DIP2A: variants seen among roughly 807,000 people sequenced by gnomAD.
DIP2A encodes the protein disco-interacting protein 2 homolog A.
Under a neutral mutation model 177.4 loss-of-function variants are expected in DIP2A, and 85 were observed. The observed-to-expected ratio is 0.48, with a 90% CI of 0.40 to 0.57. The LOEUF (loss-of-function observed/expected upper bound fraction) is 0.57, where lower values mean the gene tolerates loss of function less well. Among genes scored for constraint, DIP2A ranks in the 20% least tolerant of loss-of-function variants. The probability of loss-of-function intolerance (pLI) is 0.00; values close to 1 mark genes in which losing one functional copy is unlikely to be tolerated. For synonymous variants in DIP2A, 886 were observed against 881.8 expected, an observed-to-expected ratio of 1.00 and a Z score of -0.08; for missense variants, 1,791 against 2,100.2, an observed-to-expected ratio of 0.85 and a Z score of 2.88.
At chr21:46,509,466 G>T in intron 7 of DIP2A, 90 bp downstream of exon 7, 1 of 1,459,486 alleles carries the variant, frequency 6.9e-7, no homozygotes, top group South Asian at 1.4e-5. Flanking sequence ...ATTATACATG[G>T]ATATTGCTAT....
In DIP2A at chr21:46,551,923, C is replaced by G; in HGVS notation, c.3030+19C>G. The G allele has an allele frequency of 1.3e-6, 2 of 1,583,086 alleles. No homozygotes were observed. The highest frequency in any genetic ancestry group is 2.3e-5 in the East Asian group (1 of 43,498). On this transcript the variant is annotated intron_variant, in intron 25 of 37. Coordinates refer to ENST00000417564, the MANE Select transcript of DIP2A (RefSeq NM_015151.4). ...CGCCAAGGTGAGGCAGTGTCACGCC[C>G]ACGGGGCTTGGAAACACCTGTGGGC...
In DIP2A at chr21:46,501,024, A is replaced by G. The variant is rs191566150; in HGVS notation, c.655+2191A>G. On this transcript the variant is annotated intron_variant, in intron 5 of 37. Coordinates refer to ENST00000417564, the MANE Select transcript of DIP2A (RefSeq NM_015151.4). The stretch of plus-strand genomic sequence containing the variant: ...TTTGCTTACAGGATTGCAATTTTCT[A>G]CAGATTGTAGCTACCCACATCCTAA... 1.5e-3 allele frequency among the ~76,000 whole-genome samples: 224 copies of G among 152,336 alleles called. 2 individuals are homozygous for G. Among genetic ancestry groups the G allele is most frequent in the South Asian group, 6.8e-3 (33 of 4,826 alleles).
chr21:46,489,228 C>T (rs1313719346), intron 2 of DIP2A, among the ~76,000 whole-genome samples: 1 of 152,236 alleles, frequency 6.6e-6, no homozygotes, highest in Non-Finnish European at 1.5e-5. Flanking sequence ...TAACTGACCA[C>T]CCCAAAATGT....
intron 18 of DIP2A, 36 bp from the exon 19 acceptor site, chr21:46,545,101 G>T (rs187605083): frequency 6.4e-7 from 1 of 1,557,840 alleles, no homozygotes; most frequent in Non-Finnish European, 8.7e-7. Context: ...ATTTAAACAC[G>T]TTCTTGATAA....
Position 46,554,583 on chromosome 21 carries a change from CTCA to C in DIP2A, c.3165_3167del (p.Ile1056del). 6.2e-7 allele frequency: 1 copy of C among 1,611,888 alleles called. No individual in the cohort carries two copies. The highest frequency in any genetic ancestry group is 8.5e-7 in the Non-Finnish European group (1 of 1,179,150). On this transcript the variant is annotated inframe_deletion, in exon 27 of 38. Coordinates refer to ENST00000417564, the MANE Select transcript of DIP2A (RefSeq NM_015151.4). ...AGTCCTTGTCTCCACAGGGGTGGAC[CTCA>C]TTGCCGCGTTCTATGGCTGCTTGTA... is the stretch of plus-strand genomic sequence containing the variant.
intron 21 of DIP2A, 133 bp from the exon 22 acceptor site, chr21:46,549,638 A>C (rs935867291): frequency 3.1e-5 from 45 of 1,467,782 alleles, no homozygotes; most frequent in Admixed American, 2.7e-4. Flanking sequence ...TTGAATGTGC[A>C]GCAGGTAGCC....
intron 2 of DIP2A, among the ~76,000 whole-genome samples, chr21:46,489,650 C>T (rs1050637397): frequency 1.3e-5 from 2 of 152,218 alleles, no homozygotes; most frequent in African/African-American, 4.8e-5. Context: ...TGGACTCTGC[C>T]TCTTCAGGGA....
At chr21:46,560,572 C>G (rs1432594777) in intron 32 of DIP2A, 150 bp from the exon 33 acceptor site, 1 of 997,868 alleles carries the variant, frequency 1.0e-6, no homozygotes, top group Admixed American at 2.6e-5. Context: ...GGACCTTGAA[C>G]CCCTAGGCGG....
chr21:46,545,018 A>G (rs950537155), intron 18 of DIP2A, 119 bp from the exon 19 acceptor site: 24 of 869,698 alleles, frequency 2.8e-5, no homozygotes, highest in Non-Finnish European at 3.8e-5. Flanking sequence ...TCCTTATAAG[A>G]AGGTGCTGTG....
chr21:46,526,480 C>T (rs901158275), intron 8 of DIP2A, among the ~76,000 whole-genome samples: 4 of 151,370 alleles, frequency 2.6e-5, no homozygotes, highest in African/African-American at 4.9e-5. Flanking sequence ...CTGCAACCTC[C>T]GCCTCCTGGA....
At chr21:46,546,516 G>T (rs951604897) in intron 20 of DIP2A, among the ~76,000 whole-genome samples, 2 of 152,234 alleles carry the variant, frequency 1.3e-5, no homozygotes, top group East Asian at 3.9e-4. Flanking sequence ...AGCCCAGAAG[G>T]TCCCTGGTGC....
chr21:46,509,745 A>C (rs2058212358), intron 7 of DIP2A, among the ~76,000 whole-genome samples: 1 of 152,204 alleles, frequency 6.6e-6, no homozygotes, highest in African/African-American at 2.4e-5. Context: ...TTAGCCTCTC[A>C]TATGTGAATG....
intron 8 of DIP2A, among the ~76,000 whole-genome samples, chr21:46,516,488 C>CTTTT (rs1158910021): frequency 1.0e-3 from 77 of 76,358 alleles, no homozygotes; most frequent in Non-Finnish European, 1.3e-3. Flanking sequence ...TCTGAAATTT[C>CTTTT]TTTTTTTTTT....
In DIP2A at chr21:46,546,903, C is replaced by T. The variant is rs2060071899; in HGVS notation, c.2395-12C>T. On this transcript the variant is annotated splice_polypyrimidine_tract_variant and intron_variant, in intron 20 of 37. Transcript: ENST00000417564. ...GTGTGGGTGGAGTCTTGACGCACAC[C>T]CTTTCCCTCAGGACAACCTGGTCTT... 55 of 1,613,360 alleles carry T rather than the reference C, an allele frequency of 3.4e-5. No individual in the cohort carries two copies. The highest frequency in any genetic ancestry group is 4.7e-5 in the Non-Finnish European group (55 of 1,179,656).
At chr21:46,583,711 T>C in the DIP2A span, among the ~76,000 whole-genome samples, 1 of 152,204 alleles carries the variant, frequency 6.6e-6, no homozygotes, top group Admixed American at 6.5e-5. Flanking sequence ...GGAGGAGTAC[T>C]GTTATAAAAG....
chr21:46,476,667 T>C (rs79363920), intron 1 of DIP2A, among the ~76,000 whole-genome samples: 4 of 151,512 alleles, frequency 2.6e-5, no homozygotes, highest in Non-Finnish European at 4.4e-5. Flanking sequence ...TTTTTTTTTT[T>C]TTTGGAGACA....
intron 9 of DIP2A, among the ~76,000 whole-genome samples, chr21:46,529,838 C>T (rs2059281158): frequency 6.6e-6 from 1 of 152,152 alleles, no homozygotes; most frequent in African/African-American, 2.4e-5. Flanking sequence ...GTATTTTTAT[C>T]TCCTTCCCTA....
intron 8 of DIP2A, among the ~76,000 whole-genome samples, chr21:46,521,423 A>T (rs998520185): frequency 6.6e-6 from 1 of 152,142 alleles, no homozygotes. Flanking sequence ...TCCTGACCTC[A>T]AGTGATCTGC....
Position 46,498,832 on chromosome 21 carries a change from A to G in DIP2A, c.654A>G (p.Ile218Met). 1 of 1,612,092 alleles carries G rather than the reference A, an allele frequency of 6.2e-7. No individual in the cohort carries two copies. The highest frequency in any genetic ancestry group is 2.2e-5 in the East Asian group (1 of 44,828). ...ALAGLEAHTH[I>M]DLHSAPPDVT... is the part of the protein sequence containing the mutation. ...CAGGCCTCGAGGCCCACACCCACAT[A>G]GGTCAGTAATAAGCTGCTGCGGCCC... The change falls in exon 5 of 38, where the codon ATA becomes ATG. Residue 218 changes from isoleucine to methionine, a missense_variant and splice_region_variant. Ile to Met is a conservative substitution (Grantham distance 10, BLOSUM62 1). Transcript: ENST00000417564. This position sits in a 1 kb window ranked among gnomAD's most constrained non-coding sequence, Gnocchi z 4.3.
Sources: allele counts gnomAD v4.1 joint callset (sites outside exome capture counted in the v4.1 genomes callset), GRCh38; gene constraint gnomAD v4.1.1; non-coding constraint Gnocchi (gnomAD v3.1); transcripts MANE v1.5; gene names NCBI Gene and HGNC (gene_info 2026-07-23, HGNC 2026-07-21).